Variants in STX11 observed in about 807,000 individuals in gnomAD.
STX11 encodes syntaxin-11.
STX11 carries 21 observed loss-of-function variants against 19.9 expected under a neutral mutation model. The ratio of observed to expected loss-of-function variants is 1.06; its 90% CI spans 0.75 to 1.52. The LOEUF (loss-of-function observed/expected upper bound fraction) is 1.52. Among genes scored for constraint, STX11 ranks in the 40% most tolerant of loss-of-function variants. The probability of loss-of-function intolerance (pLI) is 0.00; values close to 1 mark genes in which losing one functional copy is unlikely to be tolerated. For missense variants in STX11, 438 were observed against 405.9 expected (o/e 1.08, Z -0.68); for synonymous variants, 193 against 174.4 (o/e 1.11, Z -0.84).
intron 1 of STX11, among the ~76,000 whole-genome samples, chr6:144,156,796 T>A (rs2128747775): frequency 6.6e-6 from 1 of 152,366 alleles, no homozygotes; most frequent in Admixed American, 6.5e-5. Context: ...GACTACTGCA[T>A]GGTAAACCAA....
At chr6:144,144,803 T>C in the STX11 span, among the ~76,000 whole-genome samples, 2 of 152,226 alleles carry the variant, frequency 1.3e-5, no homozygotes, top group Non-Finnish European at 2.9e-5. Flanking sequence ...CATTTCCTTT[T>C]TGACAGGGTT....
intron 1 of STX11, among the ~76,000 whole-genome samples, chr6:144,173,385 C>T (rs1801694123): frequency 6.6e-6 from 1 of 152,218 alleles, no homozygotes; most frequent in Non-Finnish European, 1.5e-5. Context: ...TTAGAGCTCA[C>T]TTTGTCTAGC....
chr6:144,150,506 C>T (rs1055474431), upstream of STX11: 10 of 985,226 alleles, frequency 1.0e-5, no homozygotes, highest in African/African-American at 1.6e-4. Context: ...GGGGCTGAGC[C>T]GGCGGCGCCC....
At chr6:144,181,863 A>AC (rs1305614372) in intron 1 of STX11, among the ~76,000 whole-genome samples, 1 of 152,158 alleles carries the variant, frequency 6.6e-6, no homozygotes, top group Non-Finnish European at 1.5e-5. Flanking sequence ...CTTAAGCAAT[A>AC]CCCCCTTCCT....
chr6:144,156,739 A>C (rs1015268658), intron 1 of STX11, among the ~76,000 whole-genome samples: 1 of 152,278 alleles, frequency 6.6e-6, no homozygotes, highest in South Asian at 2.1e-4. Context: ...TATTAGCTAA[A>C]TTCTGTAATA....
Position 144,187,058 on chromosome 6 carries a change from A to G in STX11, c.431A>G (p.His144Arg), listed in dbSNP as rs769837668. 3.7e-6 allele frequency: 6 copies of G among 1,613,320 alleles called. No individual in the cohort carries two copies. The highest frequency in any genetic ancestry group is 5.1e-6 in the Non-Finnish European group (6 of 1,179,976). Residue 144 changes from histidine to arginine, a missense_variant, in exon 2 of 2, where the codon CAC becomes CGC. Transcript: ENST00000367568. The surrounding 1 kb of genome is among the most constrained non-coding windows in gnomAD (Gnocchi z 5.6). Reference sequence around the variant, plus strand: ...ACCCTCACCTTCCAGCGCGCCATGCACGACTACAACCAGGCCGAGATGAAG... The same window carrying G: ...ACCCTCACCTTCCAGCGCGCCATGCGCGACTACAACCAGGCCGAGATGAAG... ...ALTLTFQRAM[H>R]DYNQAEMKQR...
Position 144,167,962 on chromosome 6 carries a change from G to T in STX11, c.-6+17259G>T, listed in dbSNP as rs1188914140. Among the ~76,000 whole-genome samples, 1 of 151,988 alleles carries T rather than the reference G, an allele frequency of 6.6e-6. No individual in the cohort carries two copies. The highest frequency in any genetic ancestry group is 2.4e-5 in the African/African-American group (1 of 41,356). ...ACTTATTCACACATAAGTACTTATG[G>T]TAAAAAAAATAACATACCATTAATA... On this transcript the variant is annotated intron_variant, in intron 1 of 1. Transcript: ENST00000367568. This position sits in a 1 kb window ranked among gnomAD's most constrained non-coding sequence, Gnocchi z 5.0.
At chr6:144,164,729 T>C (rs915834199) in intron 1 of STX11, among the ~76,000 whole-genome samples, 8 of 152,342 alleles carry the variant, frequency 5.3e-5, no homozygotes, top group African/African-American at 1.7e-4. Context: ...GTTTTGCTCT[T>C]ATTGCCTAGG....
rs188855688 is a variant in STX11, at chr6:144,188,951, C to T, written c.*1460C>T. ...CCGTGTTAGCCAGGATGGTCTTGATCTCCTGACCTCGTGATCCGCCCGCCT... is the reference window on the plus strand; with the variant it reads ...CCGTGTTAGCCAGGATGGTCTTGATTTCCTGACCTCGTGATCCGCCCGCCT... On this transcript the variant is annotated 3_prime_UTR_variant, in exon 2 of 2. Coordinates refer to ENST00000367568, the MANE Select transcript of STX11 (RefSeq NM_003764.4). Among the ~76,000 whole-genome samples, 52 of 152,184 alleles carry T rather than the reference C, an allele frequency of 3.4e-4. 1 individual carries two copies. The highest frequency in any genetic ancestry group is 1.2e-3 in the African/African-American group (49 of 41,534).
rs11966095 is a variant in STX11 at position 144,153,871 on chromosome 6, G to A, written c.-6+3168G>A. ...TGACTAGGATAAGAATATCCTACTC[G>A]GTGGAAGAATAGGTTTGGGCTAAAG... On this transcript the variant is annotated intron_variant, in intron 1 of 1. Transcript: ENST00000367568. The surrounding 1 kb of genome is among the most constrained non-coding windows in gnomAD (Gnocchi z 5.0). Among the ~76,000 whole-genome samples, 6,906 of 152,202 alleles carry A rather than the reference G, an allele frequency of 0.045. 497 individuals are homozygous for A. The highest frequency in any genetic ancestry group is 0.15 in the African/African-American group (6,391 of 41,472).
At chr6:144,164,694 T>A (rs973257414) in intron 1 of STX11, among the ~76,000 whole-genome samples, 1 of 152,180 alleles carries the variant, frequency 6.6e-6, no homozygotes, top group Non-Finnish European at 1.5e-5. Flanking sequence ...TTTATTTTAT[T>A]TTATTTTTCA....
chr6:144,161,110 C>T (rs935488107), intron 1 of STX11, among the ~76,000 whole-genome samples: 9 of 152,262 alleles, frequency 5.9e-5, no homozygotes, highest in Middle Eastern at 3.4e-3. Context: ...ATTTTAGCCA[C>T]GGTAAATCCA....
chr6:144,157,140 T>C (rs954955494), intron 1 of STX11, among the ~76,000 whole-genome samples: 1 of 152,178 alleles, frequency 6.6e-6, no homozygotes, highest in African/African-American at 2.4e-5. Flanking sequence ...GAGGTTTTTA[T>C]TGGGAAGTGC....
At position 144,177,297 on chromosome 6, in the gene STX11, G is replaced by A. The variant is rs1216794033; in HGVS notation, c.-5-9326G>A. ...TGCTGTATTTTCCAGGCAAAGTTTT[G>A]CTTCACATTCTAGGGCCAAAGGGAA... On this transcript the variant is annotated intron_variant, in intron 1 of 1. Coordinates refer to ENST00000367568, the MANE Select transcript of STX11 (RefSeq NM_003764.4). The surrounding 1 kb of genome is among the most constrained non-coding windows in gnomAD (Gnocchi z 4.4). Among the ~76,000 whole-genome samples, 1 of 152,160 alleles carries A rather than the reference G, an allele frequency of 6.6e-6. No individual in the cohort carries two copies. The highest frequency in any genetic ancestry group is 1.5e-5 in the Non-Finnish European group (1 of 68,022).
rs899312337 is a variant in STX11 at position 144,177,951 on chromosome 6, C to G, written c.-5-8672C>G. On this transcript the variant is annotated intron_variant, in intron 1 of 1. Transcript: ENST00000367568. The surrounding 1 kb of genome is among the most constrained non-coding windows in gnomAD (Gnocchi z 4.4). The stretch of plus-strand genomic sequence containing the variant: ...CTGAAGTGTTGCAATGTTGGGGAAA[C>G]TCTGATATGAAGAAATTTGTGTGGG... Among the ~76,000 whole-genome samples the G allele has an allele frequency of 6.6e-6, 1 of 152,064 alleles. No individual in the cohort carries two copies. Among genetic ancestry groups the G allele is most frequent in the African/African-American group, 2.4e-5 (1 of 41,386 alleles).
At chr6:144,163,443 C>T (rs561900846) in intron 1 of STX11, among the ~76,000 whole-genome samples, 1 of 152,036 alleles carries the variant, frequency 6.6e-6, no homozygotes, top group East Asian at 1.9e-4. Flanking sequence ...GGTGAGACAC[C>T]ATCTCTACAA....
rs1473727056 is a variant in STX11, at chr6:144,180,547, C to T, written c.-5-6076C>T. Among the ~76,000 whole-genome samples, 2 of 152,182 alleles carry T rather than the reference C, an allele frequency of 1.3e-5. No homozygotes were observed. Among genetic ancestry groups the T allele is most frequent in the African/African-American group, 4.8e-5 (2 of 41,430 alleles). On this transcript the variant is annotated intron_variant, in intron 1 of 1. Coordinates refer to ENST00000367568, the MANE Select transcript of STX11 (RefSeq NM_003764.4). The surrounding 1 kb of genome is among the most constrained non-coding windows in gnomAD (Gnocchi z 5.3). Reference sequence around the variant, plus strand: ...GGTTTATCAGGGGTTTCTGCTTTTGCTCCTTCCTCATTTTCTCTTGCCACC... The same window carrying T: ...GGTTTATCAGGGGTTTCTGCTTTTGTTCCTTCCTCATTTTCTCTTGCCACC...
In STX11 at chr6:144,170,705, A is replaced by G. The variant is rs1379398802; in HGVS notation, c.-5-15918A>G. 6.6e-6 allele frequency among the ~76,000 whole-genome samples: 1 copy of G among 152,238 alleles called. No homozygotes were observed. The highest frequency in any genetic ancestry group is 2.4e-5 in the African/African-American group (1 of 41,458). Reference sequence around the variant, plus strand: ...ATTTAAAACCTCAAGTAATTGAGTAATGCACAGGTATTAGTGTTCACTTAT... The same window carrying G: ...ATTTAAAACCTCAAGTAATTGAGTAGTGCACAGGTATTAGTGTTCACTTAT... On this transcript the variant is annotated intron_variant, in intron 1 of 1. Coordinates refer to ENST00000367568, the MANE Select transcript of STX11 (RefSeq NM_003764.4). The surrounding 1 kb of genome is among the most constrained non-coding windows in gnomAD (Gnocchi z 4.7).
Position 144,155,105 on chromosome 6 carries a change from T to C in STX11, c.-6+4402T>C, listed in dbSNP as rs896353442. Among the ~76,000 whole-genome samples the C allele has an allele frequency of 6.6e-6, 1 of 152,198 alleles. No homozygotes were observed. The highest frequency in any genetic ancestry group is 1.5e-5 in the Non-Finnish European group (1 of 68,036). ...ATAATCAGACCTTTTCTCCTGGGAA[T>C]TTACATTTTAATGGAGACTGTCTGA... On this transcript the variant is annotated intron_variant, in intron 1 of 1. Transcript: ENST00000367568. This position sits in a 1 kb window ranked among gnomAD's most constrained non-coding sequence, Gnocchi z 4.5.
Sources: allele counts gnomAD v4.1 joint callset (sites outside exome capture counted in the v4.1 genomes callset), GRCh38; gene constraint gnomAD v4.1.1; non-coding constraint Gnocchi (gnomAD v3.1); transcripts MANE v1.5; gene names NCBI Gene and HGNC (gene_info 2026-07-23, HGNC 2026-07-21).